Variants in TBC1D24 observed in about 807,000 individuals in gnomAD.
TBC1D24 encodes Infantile myoclonic epilepsy.
In TBC1D24, 47 loss-of-function variants were observed where a neutral mutation model predicts 50.7. That is an observed-to-expected ratio of 0.93 (90% CI 0.73 to 1.18). The LOEUF (loss-of-function observed/expected upper bound fraction) is 1.18. Ranked by LOEUF, TBC1D24 falls within the 50% of genes most tolerant of loss-of-function variation. The probability of loss-of-function intolerance (pLI) is 0.00; values close to 1 mark genes in which losing one functional copy is unlikely to be tolerated. For synonymous variants in TBC1D24, 324 were observed against 335.2 expected, an observed-to-expected ratio of 0.97 and a Z score of 0.36; for missense variants, 688 against 766.5, an observed-to-expected ratio of 0.90 and a Z score of 1.21.
intron 4 of TBC1D24, among the ~76,000 whole-genome samples, chr16:2,498,780 G>A (rs979458426): frequency 3.3e-5 from 5 of 152,228 alleles, no homozygotes; most frequent in African/African-American, 1.2e-4. Context: ...GGGTGGTGCT[G>A]CCAGGTGCAG....
At chr16:2,489,976 G>T (rs1222737626) in intron 1 of TBC1D24, among the ~76,000 whole-genome samples, 1 of 152,234 alleles carries the variant, frequency 6.6e-6, no homozygotes, top group African/African-American at 2.4e-5. Context: ...GCGCCCTGTA[G>T]CGCAGCCAGC....
At chr16:2,479,728 G>A (rs1325041726) in intron 1 of TBC1D24, 1 of 152,264 alleles carries the variant, frequency 6.6e-6, no homozygotes, top group African/African-American at 2.4e-5. Flanking sequence ...CTGCTCACAG[G>A]GGCGCAGGCT....
At position 2,491,912 on chromosome 16, in the gene TBC1D24, A is replaced by G. The variant is rs563467488; in HGVS notation, c.-115-4122A>G. 3.3e-5 allele frequency among the ~76,000 whole-genome samples: 5 copies of G among 151,976 alleles called. No individual in the cohort carries two copies. The East Asian group carries it at 7.7e-4, about 24-fold the overall frequency. On this transcript the variant is annotated intron_variant, in intron 1 of 7. Coordinates refer to ENST00000646147, the MANE Select transcript of TBC1D24 (RefSeq NM_001199107.2). ...GGGGTTTTGCCATGTTGTGTGGGCT[A>G]GTCTTGAACTCCTGGGCTTGGCGTC...
chr16:2,499,870 G>C lies in TBC1D24; in HGVS notation c.1242G>C (p.Glu414Asp). 6.2e-7 allele frequency: 1 copy of C among 1,614,130 alleles called. No homozygotes were observed. Among genetic ancestry groups the C allele is most frequent in the Non-Finnish European group, 8.5e-7 (1 of 1,179,978 alleles). Reference protein sequence around the residue: ...CGAYLSTDWSERNKFGGKLGF... With the variant: ...CGAYLSTDWSDRNKFGGKLGF... Reference sequence around the variant, plus strand: ...CTTACCTGTCCACAGACTGGAGTGAGAGAAATAAGTTTGGAGGCAAACTGG... The same window carrying C: ...CTTACCTGTCCACAGACTGGAGTGACAGAAATAAGTTTGGAGGCAAACTGG... The change falls in exon 6 of 8, where the codon GAG (glutamate) becomes GAC (aspartate). Residue 414 changes from glutamate (E) to aspartate (D), a missense_variant. Glu to Asp is a conservative substitution (Grantham distance 45, BLOSUM62 2). Transcript: ENST00000646147. The surrounding 1 kb of genome is among the most constrained non-coding windows in gnomAD (Gnocchi z 4.0).
Position 2,500,812 on chromosome 16 carries a change from G to C in TBC1D24, c.1534G>C (p.Gly512Arg). 10 of 1,604,724 alleles carry C rather than the reference G, an allele frequency of 6.2e-6. No homozygotes were observed. Among genetic ancestry groups the C allele is most frequent in the Non-Finnish European group, 8.5e-6 (10 of 1,179,610 alleles). Residue 512 changes from glycine (G) to arginine (R), a missense_variant, in exon 8 of 8, where the codon GGC (glycine) becomes CGC (arginine). Transcript: ENST00000646147. The surrounding 1 kb of genome is among the most constrained non-coding windows in gnomAD (Gnocchi z 8.0). ...GSDCLIVGGG[G>R]GQALYIDGDL... ...ACCTGAGCATCCTGCAGGGGGAGGA[G>C]GCGGCCAGGCGCTCTACATCGATGG...
In TBC1D24 at chr16:2,501,092, C is replaced by G; in HGVS notation, c.*134C>G. 8.7e-7 allele frequency: 1 copy of G among 1,144,838 alleles called. No individual in the cohort carries two copies. Among genetic ancestry groups the G allele is most frequent in the South Asian group, 1.5e-5 (1 of 68,590 alleles). The allele number at this position is 1,144,838 out of a possible 1,614,324, so 70.9% of individuals were successfully genotyped here. A position where few individuals can be genotyped will look rare whatever the true frequency, so the allele number is the denominator to read the frequency against. ...GGGACGGCAGGACCCCATGGCCAAG[C>G]CTGGCGTTGCCTGGACCTGCTGCTG... On this transcript the variant is annotated 3_prime_UTR_variant, in exon 8 of 8. Coordinates refer to ENST00000646147, the MANE Select transcript of TBC1D24 (RefSeq NM_001199107.2).
At chr16:2,497,346 T>C (rs1454108760) in intron 2 of TBC1D24, among the ~76,000 whole-genome samples, 1 of 152,166 alleles carries the variant, frequency 6.6e-6, no homozygotes, top group African/African-American at 2.4e-5. Flanking sequence ...AGATGAAAGC[T>C]GATGCTGGCC....
chr16:2,500,660 C>A lies in TBC1D24; in HGVS notation c.1526-144C>A. ...GGAAGGGAGAGACCAGCCTGGACAG[C>A]TGGTCCTGGGGGCTATGGAGGGTCA... is the stretch of plus-strand genomic sequence containing the variant. On this transcript the variant is annotated intron_variant, in intron 7 of 7. Coordinates refer to ENST00000646147, the MANE Select transcript of TBC1D24 (RefSeq NM_001199107.2). This position sits in a 1 kb window ranked among gnomAD's most constrained non-coding sequence, Gnocchi z 8.0. 1 of 1,328,596 alleles carries A rather than the reference C, an allele frequency of 7.5e-7. No individual in the cohort carries two copies. The highest frequency in any genetic ancestry group is 1.5e-5 in the African/African-American group (1 of 68,698). The allele number at this position is 1,328,596 out of a possible 1,614,324, so 82.3% of individuals were successfully genotyped here.
intron 4 of TBC1D24, 117 bp downstream of exon 4, chr16:2,498,513 GGGGCCTAAGAATCAGGGTCCCTTTCT>G (rs1306909794): frequency 1.0e-6 from 1 of 991,272 alleles, no homozygotes; most frequent in African/African-American, 1.6e-5. Context: ...TTCTTCCTGT[GGGGCCTAAGAATCAGGGTCCCTTTCT>G]GGGCTCTGTC....
rs2065792134 is a variant in TBC1D24 at position 2,501,297 on chromosome 16, C to T, written c.*339C>T. The T allele has an allele frequency of 2.8e-6, 1 of 363,026 alleles. No individual in the cohort carries two copies. Among genetic ancestry groups the T allele is most frequent in the Non-Finnish European group, 5.2e-6 (1 of 192,570 alleles). The allele number at this position is 363,026 out of a possible 1,614,324, so 22.5% of individuals were successfully genotyped here. A position where few individuals can be genotyped will look rare whatever the true frequency, so the allele number is the denominator to read the frequency against. On this transcript the variant is annotated 3_prime_UTR_variant, in exon 8 of 8. Transcript: ENST00000646147. ...TGGGTCTTGCTGCCCCTGAGCCTCT[C>T]TAGGCAGCCTGAGCCCCTGGGGTGG...
At chr16:2,493,531 G>A (rs754427975) in intron 1 of TBC1D24, 7 of 152,176 alleles carry the variant, frequency 4.6e-5, no homozygotes, top group African/African-American at 7.2e-5. Flanking sequence ...GCAGACGTAC[G>A]TTTTACACTA....
At chr16:2,498,126 G>A in intron 3 of TBC1D24, 112 bp from the exon 4 acceptor site, 1 of 1,410,218 alleles carries the variant, frequency 7.1e-7, no homozygotes, top group Non-Finnish European at 9.7e-7. Flanking sequence ...GGGCAAGCAG[G>A]CGAGAAGTTC....
Position 2,501,040 on chromosome 16 carries a change from A to G in TBC1D24, c.*82A>G. The G allele has an allele frequency of 6.4e-7, 1 of 1,564,738 alleles. No homozygotes were observed. The highest frequency in any genetic ancestry group is 8.7e-7 in the Non-Finnish European group (1 of 1,154,888). ...CGCCTCGGGCAGCAGAGAGCAGATGAAACCCCCATGTGGTAGGCAGGGTTG... is the reference window on the plus strand; with the variant it reads ...CGCCTCGGGCAGCAGAGAGCAGATGGAACCCCCATGTGGTAGGCAGGGTTG... On this transcript the variant is annotated 3_prime_UTR_variant, in exon 8 of 8. Transcript: ENST00000646147.
intron 2 of TBC1D24, 86 bp from the exon 3 acceptor site, chr16:2,497,624 C>T: frequency 2.9e-6 from 4 of 1,360,972 alleles, no homozygotes; most frequent in Non-Finnish European, 4.1e-6. Context: ...CAGCAAAGGC[C>T]TGTCGGGGGA....
rs939345186 is a variant in TBC1D24 at position 2,499,107 on chromosome 16, C to T, written c.1143-250C>T. ...TGGTTCCTGCTTCCCCAGCCCCTGG[C>T]GCTTGGCTCTGCACTGGGGCCTTCC... On this transcript the variant is annotated intron_variant, in intron 4 of 7. Transcript: ENST00000646147. This position sits in a 1 kb window ranked among gnomAD's most constrained non-coding sequence, Gnocchi z 4.0. 3.3e-5 allele frequency among the ~76,000 whole-genome samples: 5 copies of T among 152,230 alleles called. No homozygotes were observed. The highest frequency in any genetic ancestry group is 9.6e-5 in the African/African-American group (4 of 41,466).
chr16:2,500,985 T>C lies in TBC1D24; in HGVS notation c.*27T>C, dbSNP rs768259638. 5 of 1,605,782 alleles carry C rather than the reference T, an allele frequency of 3.1e-6. No homozygotes were observed. In the East Asian group the frequency reaches 8.9e-5, roughly 29 times the overall value. ...GGCCTGTGCCACGGTGACTGAGCCG[T>C]GGTGGGGCGGTGGGCCGAGGCTGGG... On this transcript the variant is annotated 3_prime_UTR_variant, in exon 8 of 8. Coordinates refer to ENST00000646147, the MANE Select transcript of TBC1D24 (RefSeq NM_001199107.2). The surrounding 1 kb of genome is among the most constrained non-coding windows in gnomAD (Gnocchi z 8.0).
At chr16:2,497,829 A>C in intron 3 of TBC1D24, 102 bp downstream of exon 3, 1 of 1,203,440 alleles carries the variant, frequency 8.3e-7, no homozygotes, top group Non-Finnish European at 1.2e-6. Context: ...CTCGTGGGCC[A>C]GCTTCAGCAG....
In TBC1D24 at chr16:2,501,072, G is replaced by A. The variant is rs923518728; in HGVS notation, c.*114G>A. 15 of 1,385,606 alleles carry A rather than the reference G, an allele frequency of 1.1e-5. No homozygotes were observed. Among genetic ancestry groups the A allele is most frequent in the Middle Eastern group, 1.9e-4 (1 of 5,394 alleles). 85.8% of individuals were successfully genotyped at this position (1,385,606 alleles called of 1,614,324 possible). A position where few individuals can be genotyped will look rare whatever the true frequency, so the allele number is the denominator to read the frequency against. ...CATGTGGTAGGCAGGGTTGGGGGAC[G>A]GCAGGACCCCATGGCCAAGCCTGGC... On this transcript the variant is annotated 3_prime_UTR_variant, in exon 8 of 8. Coordinates refer to ENST00000646147, the MANE Select transcript of TBC1D24 (RefSeq NM_001199107.2).
rs577660761 is a variant in TBC1D24 at position 2,495,989 on chromosome 16, G to C, written c.-115-45G>C. 8.8e-6 allele frequency: 8 copies of C among 910,732 alleles called. No homozygotes were observed. In the African/African-American group the frequency reaches 1.0e-4, roughly 11 times the overall value. 56.4% of individuals were successfully genotyped at this position (910,732 alleles called of 1,614,324 possible). A position where few individuals can be genotyped will look rare whatever the true frequency, so the allele number is the denominator to read the frequency against. Reference sequence around the variant, plus strand: ...TGAAAAAATACGTTCTTTAAAATGTGAACCTTGAAACACAGATGCTAAAAG... The same window carrying C: ...TGAAAAAATACGTTCTTTAAAATGTCAACCTTGAAACACAGATGCTAAAAG... On this transcript the variant is annotated intron_variant, in intron 1 of 7. Coordinates refer to ENST00000646147, the MANE Select transcript of TBC1D24 (RefSeq NM_001199107.2).
Sources: gnomAD v4.1 joint callset for allele counts (sites outside exome capture counted in the v4.1 genomes callset) on GRCh38, gnomAD v4.1.1 for gene constraint, Gnocchi (gnomAD v3.1) non-coding constraint, MANE v1.5 for transcripts, NCBI Gene and HGNC (gene_info 2026-07-23, HGNC 2026-07-21) for gene names.